STAMBPL1: variants seen among roughly 807,000 people sequenced by gnomAD.
The protein encoded by STAMBPL1 is STAM binding protein like 1.
Under a neutral mutation model 52.9 loss-of-function variants are expected in STAMBPL1, and 44 were observed. That is an observed-to-expected ratio of 0.83 (90% confidence interval 0.65 to 1.07). The LOEUF (loss-of-function observed/expected upper bound fraction) is 1.07, where lower values mean the gene tolerates loss of function less well. STAMBPL1 is among the 50% of genes least tolerant of loss of function. The pLI is 0.00. For synonymous variants in STAMBPL1, 164 were observed against 177.3 expected (o/e 0.92, Z 0.60); for missense variants, 511 against 520.8 (o/e 0.98, Z 0.18).
chr10:88,916,797 C>T lies in STAMBPL1; in HGVS notation c.1021C>T (p.Leu341Phe), dbSNP rs1845382851. 6.2e-7 allele frequency: 1 copy of T among 1,607,948 alleles called. No homozygotes were observed. The highest frequency in any genetic ancestry group is 1.7e-5 in the Admixed American group (1 of 59,178). The part of the protein sequence containing the change: ...LFNVQDQHDL[L>F]TLGWIHTHPT... ...CAATGTTCAGGATCAACATGATCTC[C>T]TCACTCTAGGATGGATCCATGTACG... Residue 341 changes from leucine to phenylalanine, a missense_variant, in exon 8 of 11, where the codon CTC (leucine) becomes TTC (phenylalanine). Physicochemically the swap from Leu to Phe is conservative, Grantham distance 22. Coordinates refer to ENST00000371926, the MANE Select transcript of STAMBPL1 (RefSeq NM_020799.4).
At chr10:88,881,606 A>G (rs1359011483) in intron 1 of STAMBPL1, among the ~76,000 whole-genome samples, 1 of 152,222 alleles carries the variant, frequency 6.6e-6, no homozygotes, top group Non-Finnish European at 1.5e-5. Context: ...TGGTCTCATG[A>G]TTTAAGGCCC....
At chr10:88,907,061 C>T (rs75878863) in intron 3 of STAMBPL1, among the ~76,000 whole-genome samples, 2,043 of 152,244 alleles carry the variant, frequency 0.013, 38 homozygotes, top group African/African-American at 0.047. Flanking sequence ...CCAGACTACT[C>T]TCTGCCCCCC....
At chr10:88,906,168 CTTA>C (rs1252682910) in intron 3 of STAMBPL1, among the ~76,000 whole-genome samples, 1 of 152,130 alleles carries the variant, frequency 6.6e-6, no homozygotes, top group African/African-American at 2.4e-5. Context: ...TCATATAGCA[CTTA>C]TTATTTCTTT....
intron 7 of STAMBPL1, 59 bp downstream of exon 7, chr10:88,914,717 G>A: frequency 1.3e-6 from 1 of 780,946 alleles, no homozygotes; most frequent in Non-Finnish European, 1.7e-6. Context: ...ACTTTTAATA[G>A]TACTAGATTT....
intron 8 of STAMBPL1, among the ~76,000 whole-genome samples, chr10:88,917,790 A>G (rs1044096580): frequency 6.6e-6 from 1 of 152,158 alleles, no homozygotes; most frequent in Admixed American, 6.5e-5. Flanking sequence ...GGATAATTTA[A>G]AAAGAACAGA....
At chr10:88,901,475 T>C in intron 1 of STAMBPL1, 181 bp from the exon 2 acceptor site, 1 of 386,208 alleles carries the variant, frequency 2.6e-6, no homozygotes, top group Non-Finnish European at 4.6e-6. Context: ...CAGGAAACTA[T>C]AACCACTTGC....
intron 1 of STAMBPL1, among the ~76,000 whole-genome samples, chr10:88,897,605 G>A (rs572730734): frequency 3.3e-5 from 5 of 152,146 alleles, no homozygotes; most frequent in East Asian, 1.9e-4. Flanking sequence ...TAAAGCGGGC[G>A]TTTCTGATGA....
intron 8 of STAMBPL1, 76 bp from the exon 9 acceptor site, chr10:88,921,207 A>G: frequency 8.7e-7 from 1 of 1,146,890 alleles, no homozygotes; most frequent in Non-Finnish European, 1.2e-6. Flanking sequence ...AAAAAAACAG[A>G]GTTTTCTATT....
In STAMBPL1 at chr10:88,905,584, A is replaced by G; in HGVS notation, c.172A>G (p.Met58Val). 1 of 1,614,148 alleles carries G rather than the reference A, an allele frequency of 6.2e-7. No homozygotes were observed. The highest frequency in any genetic ancestry group is 8.5e-7 in the Non-Finnish European group (1 of 1,179,998). The change falls in exon 3 of 11, where the codon ATG (methionine) becomes GTG (valine). Residue 58 changes from methionine (M) to valine (V), a missense_variant. Transcript: ENST00000371926. Reference protein sequence around the residue: ...PRRYFRSGVEMERMASVYLEE... With the variant: ...PRRYFRSGVEVERMASVYLEE... ...ACGTTACTTTAGGTCTGGAGTAGAG[A>G]TGGAGAGGATGGCGTCTGTGTATTT...
rs1464079412 is a variant in STAMBPL1 at position 88,908,718 on chromosome 10, C to T, written c.265C>T (p.Leu89Phe). 1 of 1,609,724 alleles carries T rather than the reference C, an allele frequency of 6.2e-7. No individual in the cohort carries two copies. The highest frequency in any genetic ancestry group is 1.7e-5 in the Admixed American group (1 of 58,836). ...CTTCCTTAGCTTATTTGTAGAAAAG[C>T]TTCCTAACCATCGAGATTACCAGCA... is the stretch of plus-strand genomic sequence containing the variant. Reference protein sequence around the residue: ...NKFITLFVEKLPNHRDYQQCA... With the variant: ...NKFITLFVEKFPNHRDYQQCA... The change falls in exon 4 of 11, where the codon CTT becomes TTT. Residue 89 changes from leucine to phenylalanine, a missense_variant. Coordinates refer to ENST00000371926, the MANE Select transcript of STAMBPL1 (RefSeq NM_020799.4).
At chr10:88,913,591 A>G in intron 6 of STAMBPL1, 133 bp downstream of exon 6, 1 of 754,392 alleles carries the variant, frequency 1.3e-6, no homozygotes, top group Non-Finnish European at 2.1e-6. Flanking sequence ...GGTATGAATG[A>G]AAGAATTAAC....
chr10:88,908,239 T>A (rs941450797), intron 3 of STAMBPL1, among the ~76,000 whole-genome samples: 1 of 152,196 alleles, frequency 6.6e-6, no homozygotes, highest in Non-Finnish European at 1.5e-5. Flanking sequence ...TTTTCTTAGT[T>A]ATGAGTTTTC....
At chr10:88,910,415 G>T (rs1295810256) in intron 4 of STAMBPL1, among the ~76,000 whole-genome samples, 1 of 152,146 alleles carries the variant, frequency 6.6e-6, no homozygotes, top group Non-Finnish European at 1.5e-5. Context: ...CTCTACAGGT[G>T]TTAATTCAGT....
rs371236373 is a variant in STAMBPL1, at chr10:88,916,750, T to C, written c.974T>C (p.Met325Thr). ...TCTGCGGGACCAGACTATTGTGACA[T>C]GGAGAATGTAGAGGAATTATTCAAT... ...KQSAGPDYCDMENVEELFNVQ... is the reference protein window; with the variant it reads ...KQSAGPDYCDTENVEELFNVQ... The change falls in exon 8 of 11, where the codon ATG becomes ACG. Residue 325 changes from methionine to threonine, a missense_variant. Around this residue, in one of 3 missense-constraint regions of STAMBPL1, gnomAD observed 137 missense variants for 139.9 expected, o/e 0.98. Coordinates refer to ENST00000371926, the MANE Select transcript of STAMBPL1 (RefSeq NM_020799.4). The C allele has an allele frequency of 1.2e-6, 2 of 1,610,380 alleles. No individual in the cohort carries two copies. The highest frequency in any genetic ancestry group is 2.7e-5 in the African/African-American group (2 of 74,632).
intron 8 of STAMBPL1, among the ~76,000 whole-genome samples, chr10:88,918,306 T>C (rs5010112): frequency 0.2 from 27,951 of 142,774 alleles, 2,797 homozygotes; most frequent in African/African-American, 0.28. Context: ...CACACACACA[T>C]ACACACACAC....
chr10:88,882,501 G>A (rs1277007417), intron 1 of STAMBPL1: 1 of 152,144 alleles, frequency 6.6e-6, no homozygotes, highest in Non-Finnish European at 1.5e-5. Flanking sequence ...TACAATCCAA[G>A]AAATGAGATT....
chr10:88,902,944 A>G (rs1482772132), intron 2 of STAMBPL1, among the ~76,000 whole-genome samples: 2 of 152,186 alleles, frequency 1.3e-5, no homozygotes, highest in Non-Finnish European at 2.9e-5. Flanking sequence ...AAAGGTAGAC[A>G]ATTGCAGAAA....
intron 3 of STAMBPL1, among the ~76,000 whole-genome samples, chr10:88,907,196 A>ATT (rs948879184): frequency 6.6e-6 from 1 of 152,192 alleles, no homozygotes; most frequent in African/African-American, 2.4e-5. Flanking sequence ...GCCTGAGAAC[A>ATT]TTTAAGAAGT....
At chr10:88,919,050 TTAAGTA>T (rs1475850476) in intron 8 of STAMBPL1, among the ~76,000 whole-genome samples, 7 of 152,192 alleles carry the variant, frequency 4.6e-5, no homozygotes, top group African/African-American at 1.7e-4. Flanking sequence ...ACGGTTTTTA[TTAAGTA>T]TAATAATAGC....
Sources: gnomAD v4.1 joint callset for allele counts (sites outside exome capture counted in the v4.1 genomes callset) on GRCh38, gnomAD v4.1.1 for gene constraint, gnomAD v4.1.1 regional missense constraint, MANE v1.5 for transcripts, NCBI Gene and HGNC (gene_info 2026-07-23, HGNC 2026-07-21) for gene names.